NCOR2: variants seen among roughly 807,000 people sequenced by gnomAD.
NCOR2 encodes nuclear receptor corepressor 2.
A neutral mutation model predicts 262.9 loss-of-function variants in NCOR2; 81 were observed. The observed-to-expected ratio is 0.31, with a 90% CI of 0.26 to 0.37. The LOEUF (loss-of-function observed/expected upper bound fraction) is 0.37, where lower values mean the gene tolerates loss of function less well. Ranked by LOEUF, NCOR2 falls within the 10% of genes least tolerant of loss-of-function variation. NCOR2 has a pLI of 1.00. For missense variants in NCOR2, 3,385 were observed against 3,621.4 expected (o/e 0.93, Z 1.68); for synonymous variants, 1,659 against 1,559.3 (o/e 1.06, Z -1.51).
chr12:124,447,055 C>T (rs1392316644), intron 7 of NCOR2, among the ~76,000 whole-genome samples: 1 of 152,192 alleles, frequency 6.6e-6, no homozygotes, highest in Non-Finnish European at 1.5e-5. Context: ...GCTGGGACTA[C>T]AGGTACACGC....
chr12:124,376,707 G>A (rs77241466), intron 18 of NCOR2, among the ~76,000 whole-genome samples: 5,991 of 152,322 alleles, frequency 0.039, 380 homozygotes, highest in African/African-American at 0.13. Context: ...GCGGGCTGGA[G>A]GAGCCTGGAT....
chr12:124,368,212 G>A (rs915199045), intron 20 of NCOR2, among the ~76,000 whole-genome samples: 3 of 152,204 alleles, frequency 2.0e-5, no homozygotes, highest in Non-Finnish European at 4.4e-5. Flanking sequence ...ACGTGGGGCC[G>A]AGTGGGTCGG....
intron 13 of NCOR2, among the ~76,000 whole-genome samples, chr12:124,402,783 G>C (rs1417348599): frequency 6.6e-6 from 1 of 152,178 alleles, no homozygotes; most frequent in Non-Finnish European, 1.5e-5. Flanking sequence ...TGGGGAGGCG[G>C]AGTCGGGGTG....
At chr12:124,416,402 G>A (rs1227367882) in intron 13 of NCOR2, among the ~76,000 whole-genome samples, 2 of 152,162 alleles carry the variant, frequency 1.3e-5, no homozygotes, top group African/African-American at 4.8e-5. Flanking sequence ...CCCTGCCTTT[G>A]CACTTGAGGG....
intron 18 of NCOR2, among the ~76,000 whole-genome samples, chr12:124,377,847 A>C (rs1048094970): frequency 6.6e-6 from 1 of 151,968 alleles, no homozygotes; most frequent in African/African-American, 2.4e-5. Context: ...TGAAAAAAAA[A>C]AAAACAAAAA....
At chr12:124,510,371 C>T (rs1443838968) in intron 1 of NCOR2, among the ~76,000 whole-genome samples, 1 of 152,226 alleles carries the variant, frequency 6.6e-6, no homozygotes, top group Non-Finnish European at 1.5e-5. Context: ...ACGCCGCTGC[C>T]CTGAGCAGCC....
rs997601174 is a variant in NCOR2 at position 124,504,674 on chromosome 12, C to G, written c.-117-9306G>C. Among the ~76,000 whole-genome samples, 1 of 152,386 alleles carries G rather than the reference C, an allele frequency of 6.6e-6. No individual in the cohort carries two copies. The highest frequency in any genetic ancestry group is 1.9e-4 in the East Asian group (1 of 5,188). On this transcript the variant is annotated intron_variant, in intron 1 of 46. Coordinates refer to the NCOR2 transcript ENST00000404621. The surrounding 1 kb of genome is among the most constrained non-coding windows in gnomAD (Gnocchi z 4.5). ...GACAAACAGATGAAACAAACGCAGT[C>G]TGTCCATCAATGGACTACGATTCAG...
At chr12:124,420,364 T>C (rs896384265) in intron 12 of NCOR2, among the ~76,000 whole-genome samples, 2 of 152,206 alleles carry the variant, frequency 1.3e-5, no homozygotes, top group Non-Finnish European at 2.9e-5. Flanking sequence ...GCTGTTGCTA[T>C]GGTTAATGAC....
At chr12:124,355,508 A>G in exon 24 of NCOR2, 1 of 1,608,880 alleles carries the variant, frequency 6.2e-7, no homozygotes, top group African/African-American at 1.3e-5. Context: ...CGGGTTGGAG[A>G]TGGTGGGTGG....
chr12:124,543,492 G>A (rs960833304), intron 1 of NCOR2, among the ~76,000 whole-genome samples: 7 of 152,212 alleles, frequency 4.6e-5, no homozygotes, highest in Non-Finnish European at 7.4e-5. Context: ...GCGGGGAGAC[G>A]GGACCCCGAG....
intron 44 of NCOR2, chr12:124,328,435 G>C (rs2034883033): frequency 6.5e-6 from 1 of 152,724 alleles, no homozygotes; most frequent in South Asian, 2.1e-4. Flanking sequence ...CAAGGACAAA[G>C]TGGTCGAATC....
chr12:124,460,162 C>G (rs1044758131), intron 5 of NCOR2, among the ~76,000 whole-genome samples: 9 of 152,230 alleles, frequency 5.9e-5, no homozygotes, highest in African/African-American at 2.2e-4. Context: ...TGGCCACCTC[C>G]CCTGATGAGG....
At chr12:124,512,827 A>C (rs1018859729) in intron 1 of NCOR2, among the ~76,000 whole-genome samples, 26 of 152,304 alleles carry the variant, frequency 1.7e-4, no homozygotes, top group Non-Finnish European at 2.6e-4. Context: ...AGTTTACAGG[A>C]AACAAGGGAC....
intron 17 of NCOR2, 131 bp downstream of exon 19, chr12:124,385,614 G>C: frequency 1.5e-6 from 2 of 1,357,788 alleles, no homozygotes; most frequent in Non-Finnish European, 2.0e-6. Flanking sequence ...CCCAGAAGCT[G>C]AGTTCTAACA....
intron 18 of NCOR2, among the ~76,000 whole-genome samples, chr12:124,376,287 A>G (rs2039988483): frequency 6.6e-6 from 1 of 152,140 alleles, no homozygotes; most frequent in South Asian, 2.1e-4. Context: ...GGGGCTACGT[A>G]AGCTCTGCAA....
At chr12:124,435,999 C>G (rs1195802427) in intron 8 of NCOR2, among the ~76,000 whole-genome samples, 2 of 152,238 alleles carry the variant, frequency 1.3e-5, no homozygotes, top group Non-Finnish European at 2.9e-5. Flanking sequence ...TGCAACACAA[C>G]AGGCACCGGA....
At chr12:124,493,101 C>T (rs1406764872) in intron 1 of NCOR2, among the ~76,000 whole-genome samples, 2 of 152,248 alleles carry the variant, frequency 1.3e-5, no homozygotes, top group East Asian at 1.9e-4. Context: ...CCACCCACAT[C>T]CTGCGTCACT....
chr12:124,453,389 G>A lies in NCOR2; in HGVS notation c.763-3522C>T, dbSNP rs573325821. Among the ~76,000 whole-genome samples the A allele has an allele frequency of 2.0e-4, 31 of 152,296 alleles. No homozygotes were observed. The South Asian group carries it at 3.5e-3, about 17-fold the overall frequency. On this transcript the variant is annotated intron_variant, in intron 6 of 46. Transcript: ENST00000405201. ...GTGTGGAGCCTGGGGTGGTAGGGGC[G>A]GCACCCAGGAGGCCCCAAGGTCCAG...
chr12:124,454,675 A>G lies in NCOR2; in HGVS notation c.762+2431T>C, dbSNP rs1192806158. ...TTGGCAGAAAAGGAGAAACCGAGGC[A>G]AGAGGCAGCTTACTGGTGGAGATGT... On this transcript the variant is annotated intron_variant, in intron 6 of 46. Coordinates refer to ENST00000405201, the Ensembl canonical transcript of NCOR2. This position sits in a 1 kb window ranked among gnomAD's most constrained non-coding sequence, Gnocchi z 5.6. 1.3e-5 allele frequency among the ~76,000 whole-genome samples: 2 copies of G among 152,198 alleles called. No homozygotes were observed. The highest frequency in any genetic ancestry group is 4.8e-5 in the African/African-American group (2 of 41,432).
Sources: allele counts gnomAD v4.1 joint callset (sites outside exome capture counted in the v4.1 genomes callset), GRCh38; gene constraint gnomAD v4.1.1; non-coding constraint Gnocchi (gnomAD v3.1); transcripts MANE v1.5; gene names NCBI Gene and HGNC (gene_info 2026-07-23, HGNC 2026-07-21).